DNM2: variants seen among roughly 807,000 people sequenced by gnomAD.
DNM2 encodes the protein dynamin-2.
DNM2 carries 15 observed loss-of-function variants against 99.0 expected under a neutral mutation model. The ratio of observed to expected loss-of-function variants is 0.15; its 90% confidence interval spans 0.10 to 0.23. DNM2 has a LOEUF of 0.23. DNM2 is among the 10% of genes least tolerant of loss of function. DNM2 has a pLI of 1.00. For synonymous variants in DNM2, 525 were observed against 481.2 expected (o/e 1.09, Z -1.19); for missense variants, 742 against 1,189.4 (o/e 0.62, Z 5.53).
At chr19:10,743,151 C>T (rs2145772818) in intron 1 of DNM2, among the ~76,000 whole-genome samples, 1 of 152,064 alleles carries the variant, frequency 6.6e-6, no homozygotes, top group South Asian at 2.1e-4. Context: ...GGTGTTCCGC[C>T]TGCCATGGCC....
At chr19:10,750,141 G>GCCTGGCCTGGGC (rs1441798388) in intron 1 of DNM2, among the ~76,000 whole-genome samples, 1 of 152,146 alleles carries the variant, frequency 6.6e-6, no homozygotes, top group African/African-American at 2.4e-5. Flanking sequence ...GGACCCTGGG[G>GCCTGGCCTGGGC]CCTGGCCTGG....
At chr19:10,788,508 G>A (rs897734435) in intron 7 of DNM2, among the ~76,000 whole-genome samples, 1 of 152,170 alleles carries the variant, frequency 6.6e-6, no homozygotes, top group Non-Finnish European at 1.5e-5. Flanking sequence ...TCTGAGCGCA[G>A]GAGAGTCAGG....
At chr19:10,754,268 T>A (rs1054168608) in intron 1 of DNM2, among the ~76,000 whole-genome samples, 1 of 151,946 alleles carries the variant, frequency 6.6e-6, no homozygotes, top group Non-Finnish European at 1.5e-5. Context: ...TCTTTTTTTT[T>A]TTTTTTGAGA....
At chr19:10,789,689 C>A in intron 7 of DNM2, among the ~76,000 whole-genome samples, 1 of 151,992 alleles carries the variant, frequency 6.6e-6, no homozygotes, top group African/African-American at 2.4e-5. Flanking sequence ...CAAAAATTAG[C>A]CAGGTGTGGT....
intron 1 of DNM2, among the ~76,000 whole-genome samples, chr19:10,748,277 C>T (rs1005897246): frequency 6.6e-5 from 10 of 152,106 alleles, no homozygotes; most frequent in African/African-American, 2.4e-4. Flanking sequence ...CAGTGGGACA[C>T]GCTGACAGCC....
rs1162801464 is a variant in DNM2 at position 10,797,536 on chromosome 19, C to T, written c.1335+18C>T. The T allele has an allele frequency of 6.2e-7, 1 of 1,613,778 alleles. No homozygotes were observed. Among genetic ancestry groups the T allele is most frequent in the South Asian group, 1.1e-5 (1 of 91,066 alleles). ...CCGAGAAGGTAACAGGTTTTGTTCT[C>T]ATCTCCGCATTTGTCCCCGTCCTCC... On this transcript the variant is annotated intron_variant, in intron 10 of 20. Coordinates refer to ENST00000389253, the MANE Select transcript of DNM2 (RefSeq NM_001005361.3).
At chr19:10,750,061 G>A (rs2070138878) in intron 1 of DNM2, among the ~76,000 whole-genome samples, 1 of 152,212 alleles carries the variant, frequency 6.6e-6, no homozygotes, top group Non-Finnish European at 1.5e-5. Context: ...CTTGGTTTCT[G>A]CAAGAGAGAA....
In DNM2 at chr19:10,775,773, C is replaced by T. The variant is rs763409114; in HGVS notation, c.456C>T (p.Ile152=). Residue 152 remains isoleucine (I), a synonymous_variant, in exon 4 of 21, where the codon ATC becomes ATT. Transcript: ENST00000389253. The surrounding 1 kb of genome is among the most constrained non-coding windows in gnomAD (Gnocchi z 4.3). ...CTGTGGGCGACCAGCCTCCAGACAT[C>T]GAGTACCAGATCAAGGACATGATCC... ...KVPVGDQPPD[I]EYQIKDMILQ... 8.7e-6 allele frequency: 14 copies of T among 1,614,028 alleles called. No individual in the cohort carries two copies. In the South Asian group the frequency reaches 1.2e-4, roughly 14 times the overall value.
chr19:10,828,648 TAA>T (rs1298870280), intron 18 of DNM2, among the ~76,000 whole-genome samples: 2 of 148,868 alleles, frequency 1.3e-5, no homozygotes, highest in Admixed American at 1.3e-4. Context: ...AGGAAATAAA[TAA>T]ATAAGCTAAA....
intron 11 of DNM2, among the ~76,000 whole-genome samples, chr19:10,800,622 C>T (rs753347805): frequency 1.6e-4 from 25 of 152,218 alleles, no homozygotes; most frequent in Non-Finnish European, 2.9e-4. Context: ...AGTGCCTTGC[C>T]CTACTTTATT....
chr19:10,733,256 A>T (rs1212069665), intron 1 of DNM2, among the ~76,000 whole-genome samples: 3 of 143,288 alleles, frequency 2.1e-5, no homozygotes, highest in African/African-American at 5.2e-5. Context: ...CAGTGGCATG[A>T]TGTCGGCTTA....
chr19:10,797,662 C>T, intron 10 of DNM2, 144 bp downstream of exon 10: 1 of 1,304,130 alleles, frequency 7.7e-7, no homozygotes, highest in Non-Finnish European at 1.1e-6. Context: ...CGCCACCTTG[C>T]ATTGGCAGAT....
intron 1 of DNM2, among the ~76,000 whole-genome samples, chr19:10,727,605 A>G (rs988900624): frequency 6.6e-6 from 1 of 151,198 alleles, no homozygotes; most frequent in African/African-American, 2.4e-5. Context: ...CCTGGGCTCA[A>G]GTGATTCTCC....
At chr19:10,723,619 T>C (rs992901645) in intron 1 of DNM2, among the ~76,000 whole-genome samples, 1 of 152,188 alleles carries the variant, frequency 6.6e-6, no homozygotes, top group African/African-American at 2.4e-5. Context: ...CTTTCTTGAA[T>C]AGGGATTAAG....
intron 1 of DNM2, among the ~76,000 whole-genome samples, chr19:10,744,743 G>A (rs1208386899): frequency 6.6e-6 from 1 of 152,150 alleles, no homozygotes; most frequent in African/African-American, 2.4e-5. Flanking sequence ...TTACAGAGCA[G>A]GACACCTGTT....
At chr19:10,828,481 G>A (rs2073223216) in intron 18 of DNM2, among the ~76,000 whole-genome samples, 1 of 152,018 alleles carries the variant, frequency 6.6e-6, no homozygotes, top group South Asian at 2.1e-4. Context: ...CAGCTACTTG[G>A]GAGACTGAGG....
At chr19:10,822,417 C>T (rs951283433) in intron 16 of DNM2, among the ~76,000 whole-genome samples, 1 of 151,878 alleles carries the variant, frequency 6.6e-6, no homozygotes, top group African/African-American at 2.4e-5. Flanking sequence ...TCTCCAACTC[C>T]TGAGCTCAAG....
rs2071915482 is a variant in DNM2, at chr19:10,795,922, G to A, written c.1196+483G>A. ...GGGTCACCCTGAGGGTTTCCGGGCA[G>A]TGGACTCAGGCATCCGACCCCACAC... On this transcript the variant is annotated intron_variant, in intron 9 of 20. Transcript: ENST00000389253. This position sits in a 1 kb window ranked among gnomAD's most constrained non-coding sequence, Gnocchi z 4.2. 1 of 1,444,030 alleles carries A rather than the reference G, an allele frequency of 6.9e-7. No homozygotes were observed. The highest frequency in any genetic ancestry group is 9.6e-7 in the Non-Finnish European group (1 of 1,040,646). The allele number at this position is 1,444,030 out of a possible 1,614,324, so 89.5% of individuals were successfully genotyped here. A position where few individuals can be genotyped will look rare whatever the true frequency, so the allele number is the denominator to read the frequency against.
intron 16 of DNM2, among the ~76,000 whole-genome samples, chr19:10,821,594 C>T (rs553114407): frequency 1.2e-4 from 18 of 152,104 alleles, no homozygotes; most frequent in Non-Finnish European, 2.4e-4. Context: ...TGCAATGGTG[C>T]GATCTCAGCT....
Sources: allele counts gnomAD v4.1 joint callset (sites outside exome capture counted in the v4.1 genomes callset), GRCh38; gene constraint gnomAD v4.1.1; non-coding constraint Gnocchi (gnomAD v3.1); transcripts MANE v1.5; gene names NCBI Gene and HGNC (gene_info 2026-07-23, HGNC 2026-07-21).